The following HS6ST3 variants were observed in gnomAD, a reference collection of about 807,000 sequenced individuals.
HS6ST3 encodes the protein heparan-sulfate 6-O-sulfotransferase 3.
In HS6ST3, 12 loss-of-function variants were observed where a neutral mutation model predicts 36.7. The observed-to-expected ratio is 0.33, with a 90% confidence interval of 0.21 to 0.53. The LOEUF (loss-of-function observed/expected upper bound fraction) is 0.53. HS6ST3 is among the 20% of genes least tolerant of loss of function. The probability of loss-of-function intolerance (pLI) is 0.95; values close to 1 mark genes in which losing one functional copy is unlikely to be tolerated. For missense variants in HS6ST3, 584 were observed against 640.9 expected (o/e 0.91, Z 0.96); for synonymous variants, 240 against 257.5 (o/e 0.93, Z 0.65).
At chr13:96,259,896 T>C (rs1291900614) in intron 1 of HS6ST3, among the ~76,000 whole-genome samples, 2 of 152,184 alleles carry the variant, frequency 1.3e-5, no homozygotes, top group African/African-American at 4.8e-5. Context: ...ATTTCTATTA[T>C]AAAGTTTAAA....
chr13:96,700,898 G>A (rs1875268068), intron 1 of HS6ST3, among the ~76,000 whole-genome samples: 1 of 152,054 alleles, frequency 6.6e-6, no homozygotes, highest in Non-Finnish European at 1.5e-5. Context: ...ATGACTTAAT[G>A]AGTATAAACT....
intron 1 of HS6ST3, among the ~76,000 whole-genome samples, chr13:96,206,748 C>A (rs1000292854): frequency 3.3e-5 from 5 of 152,050 alleles, no homozygotes; most frequent in Admixed American, 6.5e-5. Context: ...GGACAACTGG[C>A]GAGCCATATG....
chr13:96,824,267 G>A (rs1014579540), intron 1 of HS6ST3, among the ~76,000 whole-genome samples: 3 of 152,234 alleles, frequency 2.0e-5, no homozygotes, highest in African/African-American at 7.2e-5. Flanking sequence ...CGACGCACAT[G>A]GCTTCTGTGT....
chr13:96,700,149 C>T (rs543144791), intron 1 of HS6ST3, among the ~76,000 whole-genome samples: 51 of 152,210 alleles, frequency 3.4e-4, no homozygotes, highest in Non-Finnish European at 6.0e-4. Context: ...TGAGACTGGG[C>T]AGTTTACAAA....
intron 1 of HS6ST3, among the ~76,000 whole-genome samples, chr13:96,760,048 T>TCAA (rs1257806945): frequency 6.6e-6 from 1 of 152,076 alleles, no homozygotes; most frequent in East Asian, 1.9e-4. Flanking sequence ...TCTTAAAAAT[T>TCAA]CAACAATGGT....
chr13:96,241,879 G>A (rs1011212094), intron 1 of HS6ST3, among the ~76,000 whole-genome samples: 4 of 148,618 alleles, frequency 2.7e-5, no homozygotes, highest in Non-Finnish European at 5.9e-5. Flanking sequence ...TCCGCCTCCC[G>A]GGTTCACGCC....
At chr13:96,195,102 C>A (rs1241528707) in intron 1 of HS6ST3, among the ~76,000 whole-genome samples, 1 of 152,172 alleles carries the variant, frequency 6.6e-6, no homozygotes, top group Non-Finnish European at 1.5e-5. Context: ...GAAAATGATG[C>A]TTTCACTGTT....
chr13:96,288,322 G>C (rs904778054), intron 1 of HS6ST3, among the ~76,000 whole-genome samples: 2 of 152,010 alleles, frequency 1.3e-5, no homozygotes, highest in African/African-American at 4.8e-5. Flanking sequence ...AAAAACTCTT[G>C]TGTTTAGATA....
At chr13:96,348,594 T>G (rs2055167061) in intron 1 of HS6ST3, among the ~76,000 whole-genome samples, 1 of 152,170 alleles carries the variant, frequency 6.6e-6, no homozygotes. Flanking sequence ...CTGTTAAATG[T>G]TGTGTTGTAA....
intron 1 of HS6ST3, among the ~76,000 whole-genome samples, chr13:96,650,074 T>C (rs903543863): frequency 6.6e-6 from 1 of 151,936 alleles, no homozygotes; most frequent in Non-Finnish European, 1.5e-5. Flanking sequence ...CCTTTCCTAG[T>C]AGGGCAGACC....
chr13:96,186,085 T>A (rs1248559155), intron 1 of HS6ST3, among the ~76,000 whole-genome samples: 1 of 152,244 alleles, frequency 6.6e-6, no homozygotes, highest in Non-Finnish European at 1.5e-5. Flanking sequence ...CATATATGTG[T>A]ATATGCGTGT....
chr13:96,713,511 A>T (rs970012692), intron 1 of HS6ST3, among the ~76,000 whole-genome samples: 1 of 152,218 alleles, frequency 6.6e-6, no homozygotes, highest in African/African-American at 2.4e-5. Flanking sequence ...TAGATTCTGA[A>T]CACCTCTCAT....
intron 1 of HS6ST3, among the ~76,000 whole-genome samples, chr13:96,670,550 G>C (rs2138430824): frequency 6.6e-6 from 1 of 152,200 alleles, no homozygotes; most frequent in Middle Eastern, 3.4e-3. Context: ...GGAGGTTCCA[G>C]GGAGAGGATG....
chr13:96,566,620 G>A (rs2056282363), intron 1 of HS6ST3, among the ~76,000 whole-genome samples: 1 of 152,098 alleles, frequency 6.6e-6, no homozygotes, highest in South Asian at 2.1e-4. Context: ...TGACAACTGG[G>A]TAATTTATTA....
At chr13:96,281,715 G>A (rs1311008382) in intron 1 of HS6ST3, among the ~76,000 whole-genome samples, 1 of 152,120 alleles carries the variant, frequency 6.6e-6, no homozygotes, top group Non-Finnish European at 1.5e-5. Flanking sequence ...TATGGTCATA[G>A]GCATATTTCC....
At chr13:96,283,184 T>A (rs1235599100) in intron 1 of HS6ST3, among the ~76,000 whole-genome samples, 1 of 152,210 alleles carries the variant, frequency 6.6e-6, no homozygotes, top group East Asian at 1.9e-4. Context: ...GATCTATAAG[T>A]TCATTTATTT....
At chr13:96,614,758 A>G (rs994842245) in intron 1 of HS6ST3, among the ~76,000 whole-genome samples, 6 of 151,884 alleles carry the variant, frequency 4.0e-5, no homozygotes, top group African/African-American at 1.4e-4. Flanking sequence ...TTTTCTTTTA[A>G]TTATGAAAAT....
intron 1 of HS6ST3, among the ~76,000 whole-genome samples, chr13:96,803,713 T>C (rs1878135577): frequency 6.6e-6 from 1 of 151,916 alleles, no homozygotes; most frequent in Non-Finnish European, 1.5e-5. Flanking sequence ...ATACTGAGAG[T>C]GGGGAGGCAA....
In HS6ST3 at chr13:96,527,299, AT is replaced by A. The variant is rs900529800; in HGVS notation, c.708-305189del. Among the ~76,000 whole-genome samples the A allele has an allele frequency of 8.3e-4, 126 of 152,234 alleles. 3 individuals are homozygous for A. The highest frequency in any genetic ancestry group is 2.4e-3 in the African/African-American group (100 of 41,544). ...ACAGTGACTTAGAAAACTCTCCTTT[AT>A]TCATTTAAAAATAGCATATCAACAG... is the stretch of plus-strand genomic sequence containing the variant. On this transcript the variant is annotated intron_variant, in intron 1 of 1. Transcript: ENST00000376705.
Sources: allele counts gnomAD v4.1 joint callset (sites outside exome capture counted in the v4.1 genomes callset), GRCh38; gene constraint gnomAD v4.1.1; transcripts MANE v1.5; gene names NCBI Gene and HGNC (gene_info 2026-07-23, HGNC 2026-07-21).